The following HMGCL variants were observed in gnomAD, a reference collection of about 807,000 sequenced individuals.
The protein encoded by HMGCL is hydroxymethylglutaryl-CoA lyase, mitochondrial.
A neutral mutation model predicts 37.3 loss-of-function variants in HMGCL; 26 were observed. The observed-to-expected ratio is 0.70, with a 90% CI of 0.51 to 0.97. The LOEUF (loss-of-function observed/expected upper bound fraction) is 0.97. HMGCL is among the 50% of genes least tolerant of loss of function. The pLI is 0.00. For missense variants in HMGCL, 379 were observed against 398.1 expected (o/e 0.95, Z 0.41); for synonymous variants, 151 against 148.0 (o/e 1.02, Z -0.15).
Position 23,814,218 on chromosome 1 carries a change from C to T in HMGCL, c.469G>A (p.Ala157Thr). Residue 157 changes from alanine to threonine, a missense_variant, in exon 5 of 9, where the codon GCG becomes ACG. Ala to Thr is a moderately conservative substitution (Grantham distance 58). Coordinates refer to ENST00000374490, the MANE Select transcript of HMGCL (RefSeq NM_000191.3). ...CGCACAGAAATATTGGCTGACTGCG[C>T]TGCCTTCAGGATTGCGTCAAACCTC... ...FQRFDAILKA[A>T]QSANISVRGY... 1 of 1,614,062 alleles carries T rather than the reference C, an allele frequency of 6.2e-7. No individual in the cohort carries two copies. The highest frequency in any genetic ancestry group is 8.5e-7 in the Non-Finnish European group (1 of 1,180,022).
intron 1 of HMGCL, among the ~76,000 whole-genome samples, chr1:23,821,691 T>C (rs1638724547): frequency 6.6e-6 from 1 of 152,000 alleles, no homozygotes; most frequent in African/African-American, 2.4e-5. Flanking sequence ...TATATGTCAC[T>C]TGATGCTTTC....
At position 23,816,736 on chromosome 1, in the gene HMGCL, TG is replaced by T. The variant is rs1184002840; in HGVS notation, c.286del (p.Gln96ArgfsTer11). On this transcript the variant is annotated frameshift_variant, in exon 4 of 9. Coordinates refer to ENST00000374490, the MANE Select transcript of HMGCL (RefSeq NM_000191.3). LOFTEE classifies it high-confidence loss of function. ...TGGGTAGTTGATGCCAGGAAACTTC[TG>T]AATGCCCTTCAAGACTTCAGTGTGG... ...GDHTEVLKGI[Q>X]KFPGINYPVL... The T allele has an allele frequency of 2.5e-6, 4 of 1,613,636 alleles. No individual in the cohort carries two copies. In the South Asian group the frequency reaches 4.4e-5, roughly 18 times the overall value.
At chr1:23,807,411 G>GA (rs202146345) in intron 7 of HMGCL, 280 of 338,492 alleles carry the variant, frequency 8.3e-4, no homozygotes, top group Middle Eastern at 2.2e-3. Flanking sequence ...TAATTGAGAG[G>GA]AAAAAAAAAG....
chr1:23,823,008 T>G (rs765737872), intron 1 of HMGCL, among the ~76,000 whole-genome samples: 1 of 151,974 alleles, frequency 6.6e-6, no homozygotes, highest in Non-Finnish European at 1.5e-5. Context: ...AAGCCCTATC[T>G]CTACTAAAAA....
chr1:23,802,212 C>T lies in HMGCL; in HGVS notation c.*251G>A, dbSNP rs1158000173. ...CGTCCTCAGGCATTCAACTCCTGGG[C>T]CAGGGTCCGTAACAAAGGGAGACTT... On this transcript the variant is annotated 3_prime_UTR_variant, in exon 9 of 9. Transcript: ENST00000374490. The T allele has an allele frequency of 3.3e-6, 2 of 598,058 alleles. No homozygotes were observed. The highest frequency in any genetic ancestry group is 2.1e-5 in the South Asian group (1 of 48,464). The allele number at this position is 598,058 out of a possible 1,614,324, so 37.0% of individuals were successfully genotyped here.
At chr1:23,810,915 G>A in intron 5 of HMGCL, 116 bp from the exon 6 acceptor site, 1 of 803,582 alleles carries the variant, frequency 1.2e-6, no homozygotes, top group South Asian at 1.4e-5. Context: ...ACCTGCAGCT[G>A]GGCGGAGTAA....
intron 2 of HMGCL, among the ~76,000 whole-genome samples, chr1:23,819,926 T>G (rs1482905862): frequency 6.6e-6 from 1 of 152,112 alleles, no homozygotes; most frequent in African/African-American, 2.4e-5. Context: ...TATTAATGGC[T>G]TCATAATATT....
intron 4 of HMGCL, among the ~76,000 whole-genome samples, chr1:23,815,299 T>C (rs1348634941): frequency 6.6e-6 from 1 of 151,498 alleles, no homozygotes; most frequent in Non-Finnish European, 1.5e-5. Context: ...GAGAGATGCA[T>C]CTACAAGCCA....
chr1:23,820,476 A>G, intron 2 of HMGCL, 34 bp downstream of exon 2: 1 of 1,507,616 alleles, frequency 6.6e-7, no homozygotes, highest in Non-Finnish European at 9.2e-7. Flanking sequence ...AGATGCTTGA[A>G]AAAACTGTTT....
chr1:23,817,533 T>C lies in HMGCL; in HGVS notation c.195A>G (p.Glu65=), dbSNP rs2148424193. The C allele has an allele frequency of 6.2e-7, 1 of 1,613,954 alleles. No individual in the cohort carries two copies. The highest frequency in any genetic ancestry group is 2.2e-5 in the East Asian group (1 of 44,892). ...TGGTTTCTATAACAGAGAGTCCTGC[T>C]TCAGAAAGCATGTCTATCAGCTTGA... ...VKIKLIDMLS[E]AGLSVIETTS... Residue 65 remains glutamate, a synonymous_variant, in exon 3 of 9, where the codon GAA becomes GAG. Transcript: ENST00000374490.
chr1:23,823,182 A>AAG (rs1455615634), intron 1 of HMGCL, among the ~76,000 whole-genome samples: 26 of 149,926 alleles, frequency 1.7e-4, no homozygotes, highest in Admixed American at 1.1e-3. Context: ...TTCATCTCAA[A>AAG]AAAAAAAAAA....
intron 7 of HMGCL, among the ~76,000 whole-genome samples, chr1:23,805,013 T>G (rs1404641166): frequency 6.6e-6 from 1 of 151,796 alleles, no homozygotes; most frequent in Non-Finnish European, 1.5e-5. Flanking sequence ...TTCTCCTCTC[T>G]TCTTAAACCT....
chr1:23,816,363 G>A, intron 4 of HMGCL: 1 of 400,076 alleles, frequency 2.5e-6, no homozygotes, highest in Non-Finnish European at 4.7e-6. Flanking sequence ...TAAAGAAGTG[G>A]ATAATCAAAA....
chr1:23,803,301 A>C (rs1638327841), intron 8 of HMGCL, among the ~76,000 whole-genome samples: 1 of 152,044 alleles, frequency 6.6e-6, no homozygotes. Flanking sequence ...TCCTGGGTTC[A>C]AGCAATTCTC....
rs1420341736 is a variant in HMGCL at position 23,816,655 on chromosome 1, C to T, written c.348+20G>A. On this transcript the variant is annotated intron_variant, in intron 4 of 8. Transcript: ENST00000374490. Reference sequence around the variant, plus strand: ...ATCAATCTCATTTCAGGAGCCCCCACCAACAAGCTATCCTCTTACCGCTGC... The same window carrying T: ...ATCAATCTCATTTCAGGAGCCCCCATCAACAAGCTATCCTCTTACCGCTGC... 2 of 1,471,034 alleles carry T rather than the reference C, an allele frequency of 1.4e-6. No homozygotes were observed. Among genetic ancestry groups the T allele is most frequent in the Non-Finnish European group, 1.9e-6 (2 of 1,049,452 alleles). 91.1% of individuals were successfully genotyped at this position (1,471,034 alleles called of 1,614,324 possible).
At chr1:23,810,947 G>A (rs1638509628) in intron 5 of HMGCL, 148 bp from the exon 6 acceptor site, 1 of 703,002 alleles carries the variant, frequency 1.4e-6, no homozygotes. Flanking sequence ...GTACAATTCA[G>A]TGCCAGGAGG....
intron 5 of HMGCL, among the ~76,000 whole-genome samples, chr1:23,813,227 GTTTTTT>G (rs58260499): frequency 1.4e-5 from 1 of 70,800 alleles, no homozygotes; most frequent in Non-Finnish European, 2.6e-5. Context: ...TGGCTGCAAT[GTTTTTT>G]TTTTTTTTTT....
At chr1:23,818,170 C>T (rs548285910) in intron 2 of HMGCL, among the ~76,000 whole-genome samples, 10 of 152,316 alleles carry the variant, frequency 6.6e-5, no homozygotes, top group African/African-American at 2.4e-4. Context: ...CTAAGAACTC[C>T]AGGTCCAGGC....
Position 23,806,253 on chromosome 1 carries a change from G to A in HMGCL, c.751-1728C>T, listed in dbSNP as rs908335185. ...CAGGTGTGAGCCACTGTGCCCAGCC[G>A]AGGAGCCTCTCAAACGGAACATTTC... On this transcript the variant is annotated intron_variant, in intron 7 of 8. Transcript: ENST00000374490. The surrounding 1 kb of genome is among the most constrained non-coding windows in gnomAD (Gnocchi z 4.0). 6.6e-6 allele frequency among the ~76,000 whole-genome samples: 1 copy of A among 152,018 alleles called. No homozygotes were observed. The highest frequency in any genetic ancestry group is 1.5e-5 in the Non-Finnish European group (1 of 67,992).
Sources: gnomAD v4.1 joint callset for allele counts (sites outside exome capture counted in the v4.1 genomes callset) on GRCh38, gnomAD v4.1.1 for gene constraint, Gnocchi (gnomAD v3.1) non-coding constraint, MANE v1.5 for transcripts, NCBI Gene and HGNC (gene_info 2026-07-23, HGNC 2026-07-21) for gene names.